Variants in PCDH9 observed in about 807,000 individuals in gnomAD.
The protein encoded by PCDH9 is protocadherin 9.
PCDH9 carries 24 observed loss-of-function variants against 70.6 expected under a neutral mutation model. That is an observed-to-expected ratio of 0.34 (90% CI 0.25 to 0.48). The LOEUF (loss-of-function observed/expected upper bound fraction) is 0.48, where lower values mean the gene tolerates loss of function less well. Among genes scored for constraint, PCDH9 ranks in the 20% least tolerant of loss-of-function variants. The pLI is 0.99. For missense variants in PCDH9, 1,281 were observed against 1,503.6 expected, an observed-to-expected ratio of 0.85 and a Z score of 2.45; for synonymous variants, 562 against 558.5, an observed-to-expected ratio of 1.01 and a Z score of -0.09.
intron 4 of PCDH9, among the ~76,000 whole-genome samples, chr13:66,607,988 G>A (rs1358474853): frequency 1.3e-5 from 2 of 151,912 alleles, no homozygotes; most frequent in African/African-American, 2.4e-5. Flanking sequence ...AAGCAACTGA[G>A]TAAAAATTTT....
At chr13:67,095,773 T>C (rs149498144) in intron 2 of PCDH9, among the ~76,000 whole-genome samples, 1 of 152,280 alleles carries the variant, frequency 6.6e-6, no homozygotes, top group Non-Finnish European at 1.5e-5. Flanking sequence ...TACATAAATA[T>C]AAAGCAAGGT....
At chr13:67,138,642 A>C (rs2087295613) in intron 2 of PCDH9, among the ~76,000 whole-genome samples, 1 of 152,166 alleles carries the variant, frequency 6.6e-6, no homozygotes, top group South Asian at 2.1e-4. Context: ...AAATTCTGTA[A>C]TGGGGCCTTT....
chr13:66,950,665 G>T (rs1316026595), intron 2 of PCDH9, among the ~76,000 whole-genome samples: 3 of 152,058 alleles, frequency 2.0e-5, no homozygotes, highest in African/African-American at 7.2e-5. Context: ...TAAAACAGGT[G>T]ACCATAGGTA....
At chr13:66,329,976 G>A (rs1955913108) in intron 4 of PCDH9, among the ~76,000 whole-genome samples, 1 of 152,150 alleles carries the variant, frequency 6.6e-6, no homozygotes, top group African/African-American at 2.4e-5. Context: ...TAGCTGTTCT[G>A]AATATAAATG....
intron 4 of PCDH9, among the ~76,000 whole-genome samples, chr13:66,537,923 T>G (rs900309338): frequency 1.3e-5 from 2 of 152,146 alleles, no homozygotes; most frequent in African/African-American, 4.8e-5. Context: ...TATTGTGGAT[T>G]GTTCCTGGGA....
chr13:66,679,850 G>A (rs2078294791), intron 3 of PCDH9, among the ~76,000 whole-genome samples: 1 of 151,868 alleles, frequency 6.6e-6, no homozygotes, highest in South Asian at 2.1e-4. Flanking sequence ...ATATGGCAAT[G>A]TCCTGAATAC....
chr13:66,657,947 C>T (rs1455200775), intron 3 of PCDH9, among the ~76,000 whole-genome samples: 1 of 152,094 alleles, frequency 6.6e-6, no homozygotes, highest in Non-Finnish European at 1.5e-5. Context: ...AATAAAAATG[C>T]TTCTTAAAAA....
At chr13:66,554,351 C>T (rs749134273) in intron 4 of PCDH9, among the ~76,000 whole-genome samples, 11 of 151,820 alleles carry the variant, frequency 7.2e-5, no homozygotes, top group Non-Finnish European at 1.3e-4. Flanking sequence ...TTTCAGCAGT[C>T]GAAGGTAAAA....
chr13:67,073,761 A>G (rs535041459), intron 2 of PCDH9, among the ~76,000 whole-genome samples: 1 of 152,204 alleles, frequency 6.6e-6, no homozygotes, highest in South Asian at 2.1e-4. Flanking sequence ...ATGTTTGGTA[A>G]CTTTCATTTT....
At chr13:66,985,468 C>T (rs1273366041) in intron 2 of PCDH9, 3 of 151,658 alleles carry the variant, frequency 2.0e-5, no homozygotes, top group Non-Finnish European at 4.4e-5. Context: ...CAGTTAAATG[C>T]TTACACATGT....
In PCDH9 at chr13:66,849,840, G is replaced by A. The variant is rs557815092; in HGVS notation, c.3138+53664C>T. On this transcript the variant is annotated intron_variant, in intron 3 of 4. Coordinates refer to ENST00000377865, the MANE Select transcript of PCDH9 (RefSeq NM_203487.3). ...TCTTCAAGAAGAGCTACCAGAAACA[G>A]ACATTGCTGAGAACGATGACTGACC... Among the ~76,000 whole-genome samples the A allele has an allele frequency of 3.9e-5, 6 of 152,190 alleles. No individual in the cohort carries two copies. In the East Asian group the frequency reaches 1.2e-3, roughly 30 times the overall value.
At chr13:66,914,718 G>A (rs1367983298) in intron 2 of PCDH9, among the ~76,000 whole-genome samples, 2 of 151,638 alleles carry the variant, frequency 1.3e-5, no homozygotes, top group Non-Finnish European at 3.0e-5. Flanking sequence ...AAATAGTTTT[G>A]AACTTCATTA....
At chr13:67,099,748 G>T (rs1466013333) in intron 2 of PCDH9, among the ~76,000 whole-genome samples, 2 of 152,094 alleles carry the variant, frequency 1.3e-5, no homozygotes, top group African/African-American at 4.8e-5. Context: ...ATTCACGCTC[G>T]CTCACTGCAA....
chr13:67,096,030 G>C (rs1010604101), intron 2 of PCDH9, among the ~76,000 whole-genome samples: 1 of 152,102 alleles, frequency 6.6e-6, no homozygotes, highest in Non-Finnish European at 1.5e-5. Context: ...ACATATATAA[G>C]AGTCAACATT....
At chr13:66,825,615 G>A (rs956737309) in intron 3 of PCDH9, among the ~76,000 whole-genome samples, 1 of 152,000 alleles carries the variant, frequency 6.6e-6, no homozygotes, top group Admixed American at 6.6e-5. Flanking sequence ...GATTACAGGC[G>A]TGAGCCACCG....
chr13:66,652,011 A>G (rs1249106955), intron 3 of PCDH9, among the ~76,000 whole-genome samples: 1 of 152,100 alleles, frequency 6.6e-6, no homozygotes, highest in African/African-American at 2.4e-5. Context: ...AACGTACCGC[A>G]ATACAATAAA....
At chr13:67,075,109 A>G (rs2085852479) in intron 2 of PCDH9, among the ~76,000 whole-genome samples, 1 of 152,104 alleles carries the variant, frequency 6.6e-6, no homozygotes, top group Admixed American at 6.6e-5. Context: ...TCTTTAAAAT[A>G]AAATGCTTAG....
rs118166249 is a variant in PCDH9, at chr13:66,456,959, C to T, written c.3341-151931G>A. On this transcript the variant is annotated intron_variant, in intron 4 of 4. Transcript: ENST00000377865. ...AAAATATAATAACTGTGTACCCGTT[C>T]GTAATTGTGTTCTTATGAAAGTGCC... is the stretch of plus-strand genomic sequence containing the variant. Among the ~76,000 whole-genome samples the T allele has an allele frequency of 4.5e-3, 690 of 152,046 alleles. 28 individuals are homozygous for T. The East Asian group carries it at 0.088, about 19-fold the overall frequency.
At chr13:66,615,184 T>A (rs189237421) in intron 4 of PCDH9, among the ~76,000 whole-genome samples, 1,608 of 152,280 alleles carry the variant, frequency 0.011, 26 homozygotes, top group African/African-American at 0.037. Context: ...TTTGAATAAA[T>A]TTTGCTTCTA....
Sources: gnomAD v4.1 joint callset for allele counts (sites outside exome capture counted in the v4.1 genomes callset) on GRCh38, gnomAD v4.1.1 for gene constraint, MANE v1.5 for transcripts, NCBI Gene and HGNC (gene_info 2026-07-23, HGNC 2026-07-21) for gene names.